SRGAP1: variants seen among roughly 807,000 people sequenced by gnomAD.
SRGAP1 encodes SLIT-ROBO Rho GTPase-activating protein 1.
A neutral mutation model predicts 121.9 loss-of-function variants in SRGAP1; 43 were observed. That is an observed-to-expected ratio of 0.35 (90% confidence interval 0.28 to 0.46). The LOEUF (loss-of-function observed/expected upper bound fraction) is 0.46. SRGAP1 is among the 20% of genes least tolerant of loss of function. The pLI, the probability that SRGAP1 is intolerant of heterozygous loss-of-function variation, is 1.00. For missense variants in SRGAP1, 1,102 were observed against 1,350.9 expected, an observed-to-expected ratio of 0.82 and a Z score of 2.89; for synonymous variants, 447 against 485.4, an observed-to-expected ratio of 0.92 and a Z score of 1.04.
Position 63,861,302 on chromosome 12 carries a change from A to ATATATT in SRGAP1, c.67+16420_67+16421insATATTT, listed in dbSNP as rs1184711599. ...GGATGGTAGGCATATATATATATAT[A>ATATATT]TTTTTTTTTTTTTTTGAGGCAAAGT... On this transcript the variant is annotated intron_variant, in intron 1 of 21. Transcript: ENST00000355086. Among the ~76,000 whole-genome samples, 80 of 132,626 alleles carry ATATATT rather than the reference A, an allele frequency of 6.0e-4. 1 individual carries two copies. The highest frequency in any genetic ancestry group is 2.1e-3 in the African/African-American group (73 of 35,428). 87.0% of individuals were successfully genotyped at this position (132,626 alleles called of 152,430 possible).
In SRGAP1 at chr12:63,868,077, T is replaced by A. The variant is rs1565927724; in HGVS notation, c.67+23194T>A. Among the ~76,000 whole-genome samples the A allele has an allele frequency of 6.7e-5, 6 of 89,422 alleles. No homozygotes were observed. The East Asian group carries it at 2.8e-3, about 42-fold the overall frequency. The allele number at this position is 89,422 out of a possible 152,430, so 58.7% of individuals were successfully genotyped here. Reference sequence around the variant, plus strand: ...ATATATTTTTTTTTTTTTTTTTTTTTTGTTTTTTTTTTTTTGTTTTTTGAG... The same window carrying A: ...ATATATTTTTTTTTTTTTTTTTTTTATGTTTTTTTTTTTTTGTTTTTTGAG... On this transcript the variant is annotated intron_variant, in intron 1 of 21. Transcript: ENST00000355086.
At chr12:63,881,533 C>T (rs906922417) in intron 1 of SRGAP1, among the ~76,000 whole-genome samples, 6 of 152,140 alleles carry the variant, frequency 3.9e-5, no homozygotes, top group Non-Finnish European at 7.3e-5. Flanking sequence ...TTCAAGTTAC[C>T]GTCTTTGAGC....
At chr12:64,075,358 G>A (rs574002205) in intron 8 of SRGAP1, among the ~76,000 whole-genome samples, 104 of 152,310 alleles carry the variant, frequency 6.8e-4, no homozygotes, top group Non-Finnish European at 1.4e-3. Flanking sequence ...GCAGTTTTCC[G>A]ACTTGGGCGG....
chr12:64,102,031 A>T (rs2036263234), intron 15 of SRGAP1, among the ~76,000 whole-genome samples: 2 of 152,230 alleles, frequency 1.3e-5, no homozygotes, highest in African/African-American at 4.8e-5. Flanking sequence ...AATCACTGGC[A>T]TGTACACATT....
intron 1 of SRGAP1, among the ~76,000 whole-genome samples, chr12:63,973,141 C>G (rs1156984096): frequency 2.0e-5 from 3 of 152,124 alleles, no homozygotes; most frequent in African/African-American, 7.2e-5. Context: ...GAGTGAGGCT[C>G]CGTCTCAAAA....
intron 1 of SRGAP1, among the ~76,000 whole-genome samples, chr12:63,951,363 C>T (rs1046731719): frequency 6.6e-6 from 1 of 151,946 alleles, no homozygotes; most frequent in Non-Finnish European, 1.5e-5. Context: ...GAGGTTTCGC[C>T]ATGTTGGCCA....
chr12:63,922,655 C>G (rs2031105284), intron 1 of SRGAP1, among the ~76,000 whole-genome samples: 1 of 152,226 alleles, frequency 6.6e-6, no homozygotes, highest in Non-Finnish European at 1.5e-5. Context: ...TGTAGTTGCT[C>G]ATGTTAGAGC....
intron 14 of SRGAP1, among the ~76,000 whole-genome samples, chr12:64,095,538 T>A (rs960277372): frequency 6.6e-6 from 1 of 152,094 alleles, no homozygotes; most frequent in Admixed American, 6.5e-5. Flanking sequence ...GGGAGGCAGC[T>A]CCTCCCTGCT....
At chr12:64,098,217 C>T (rs78329966) in intron 15 of SRGAP1, among the ~76,000 whole-genome samples, 10,138 of 152,110 alleles carry the variant, frequency 0.067, 486 homozygotes, top group East Asian at 0.14. Flanking sequence ...CATCTCACTA[C>T]TCATCCCTCC....
intron 1 of SRGAP1, among the ~76,000 whole-genome samples, chr12:63,877,708 A>G (rs934245150): frequency 3.3e-5 from 5 of 152,224 alleles, no homozygotes; most frequent in African/African-American, 1.2e-4. Context: ...GGTGGTGTCT[A>G]CTGGCAACAC....
intron 3 of SRGAP1, among the ~76,000 whole-genome samples, chr12:64,003,482 A>G (rs1178738569): frequency 1.9e-4 from 28 of 149,554 alleles, no homozygotes; most frequent in African/African-American, 6.8e-4. Context: ...GTTTCAGAAA[A>G]AAAAAAAAAA....
chr12:64,131,531 T>G (rs1204385217), intron 21 of SRGAP1, among the ~76,000 whole-genome samples: 1 of 152,190 alleles, frequency 6.6e-6, no homozygotes, highest in East Asian at 1.9e-4. Context: ...CTGTCCACTT[T>G]CGGGTGGTGC....
chr12:63,921,342 C>T (rs1471145436), intron 1 of SRGAP1, among the ~76,000 whole-genome samples: 2 of 152,224 alleles, frequency 1.3e-5, no homozygotes, highest in African/African-American at 4.8e-5. Flanking sequence ...CCTCCAAGTT[C>T]AAAACCCTTC....
chr12:64,015,607 A>C (rs1241578193), intron 3 of SRGAP1, among the ~76,000 whole-genome samples: 2 of 152,136 alleles, frequency 1.3e-5, no homozygotes, highest in Non-Finnish European at 2.9e-5. Flanking sequence ...TCAGTCTATC[A>C]TATTTGTTTG....
rs1399990909 is a variant in SRGAP1, at chr12:64,065,229, C to T, written c.1125+10C>T. On this transcript the variant is annotated intron_variant, in intron 8 of 21. Coordinates refer to ENST00000355086, the MANE Select transcript of SRGAP1 (RefSeq NM_020762.4). ...AATCGAGAATGAAGAGGTGAGCATG[C>T]GTTCGTCCTGCCACACCAGTAATCT... The T allele has an allele frequency of 4.4e-6, 7 of 1,601,128 alleles. No homozygotes were observed. Among genetic ancestry groups the T allele is most frequent in the Admixed American group, 3.4e-5 (2 of 59,180 alleles).
In SRGAP1 at chr12:63,977,151, A is replaced by T. The variant is rs189693331; in HGVS notation, c.68-6796A>T. On this transcript the variant is annotated intron_variant, in intron 1 of 21. Transcript: ENST00000355086. ...AGTTAATCAACAGTCACCAGGTTGT[A>T]TAAATATTCACATGAGCTGTGAGCA... Among the ~76,000 whole-genome samples the T allele has an allele frequency of 4.5e-3, 687 of 152,304 alleles. 6 individuals carry two copies. The highest frequency in any genetic ancestry group is 0.016 in the African/African-American group (654 of 41,574).
chr12:63,977,897 C>T (rs1238141575), intron 1 of SRGAP1, among the ~76,000 whole-genome samples: 2 of 152,178 alleles, frequency 1.3e-5, no homozygotes, highest in Non-Finnish European at 2.9e-5. Flanking sequence ...TGACTGCTTA[C>T]AGCCTCCTCA....
chr12:63,934,042 A>G (rs1432415210), intron 1 of SRGAP1, among the ~76,000 whole-genome samples: 11 of 152,220 alleles, frequency 7.2e-5, no homozygotes, highest in Non-Finnish European at 4.4e-5. Context: ...TAAATCTTCA[A>G]GTAAAGAAGT....
Position 64,091,470 on chromosome 12 carries a change from A to C in SRGAP1, c.1539+92A>C, listed in dbSNP as rs535484910. ...TAAGAGGAGGAAGGTCATTATGTCC[A>C]AGTCTGTCCTGGGGCTCTTTGCTTT... On this transcript the variant is annotated intron_variant, in intron 12 of 21. Coordinates refer to ENST00000355086, the MANE Select transcript of SRGAP1 (RefSeq NM_020762.4). The C allele has an allele frequency of 2.0e-5, 17 of 833,962 alleles. No individual in the cohort carries two copies. In the African/African-American group the frequency reaches 2.7e-4, roughly 13 times the overall value. The allele number at this position is 833,962 out of a possible 1,614,324, so 51.7% of individuals were successfully genotyped here.
Sources: gnomAD v4.1 joint callset for allele counts (sites outside exome capture counted in the v4.1 genomes callset) on GRCh38, gnomAD v4.1.1 for gene constraint, MANE v1.5 for transcripts, NCBI Gene and HGNC (gene_info 2026-07-23, HGNC 2026-07-21) for gene names.